The following TRIM61 variants were observed in gnomAD, a reference collection of about 807,000 sequenced individuals.
The protein encoded by TRIM61 is putative tripartite motif-containing protein 61.
In TRIM61, 1 loss-of-function variant was observed where a neutral mutation model predicts 14.2. The ratio of observed to expected loss-of-function variants is 0.07; its 90% CI spans 0.03 to 0.33. The LOEUF is 0.33. Among genes scored for constraint, TRIM61 ranks in the 10% least tolerant of loss-of-function variants. The probability of loss-of-function intolerance (pLI) is 0.99; values close to 1 mark genes in which losing one functional copy is unlikely to be tolerated. For synonymous variants in TRIM61, 8 were observed against 71.6 expected (o/e 0.11, Z 4.49); for missense variants, 19 against 202.2 (o/e 0.09, Z 5.49).
chr4:164,965,287 C>CG (rs1449764078), intron 3 of TRIM61, among the ~76,000 whole-genome samples: 82 of 151,708 alleles, frequency 5.4e-4, no homozygotes, highest in Non-Finnish European at 9.9e-4. Context: ...GCCTCCATCT[C>CG]AAAAAAAGAC....
chr4:164,968,821 C>T, intron 3 of TRIM61: 1 of 981,580 alleles, frequency 1.0e-6, no homozygotes, highest in East Asian at 1.1e-4. Flanking sequence ...TATAATTATT[C>T]TGACTAGATC....
intron 3 of TRIM61, among the ~76,000 whole-genome samples, chr4:164,962,389 T>TTGTGTGTGTGTG (rs147058101): frequency 2.9e-4 from 43 of 146,516 alleles, no homozygotes; most frequent in African/African-American, 1.0e-3. Context: ...CCTGGCTAAT[T>TTGTGTGTGTGTG]TGTGTGTGTG....
intron 3 of TRIM61, among the ~76,000 whole-genome samples, chr4:164,965,160 A>G (rs28548593): frequency 0.3 from 45,601 of 151,870 alleles, 7,036 homozygotes; most frequent in Admixed American, 0.39. Flanking sequence ...CGGTGACGCG[A>G]GTCTGTAATT....
intron 3 of TRIM61, among the ~76,000 whole-genome samples, chr4:164,964,383 A>C (rs541391028): frequency 6.6e-6 from 1 of 152,066 alleles, no homozygotes; most frequent in South Asian, 2.1e-4. Flanking sequence ...AGAGAAAAAA[A>C]GGAGATGGAG....
chr4:164,974,992 G>A (rs1732450638), intron 2 of TRIM61, among the ~76,000 whole-genome samples: 1 of 152,016 alleles, frequency 6.6e-6, no homozygotes, highest in South Asian at 2.1e-4. Context: ...CAGCACTTTG[G>A]GAGGCCAAGG....
chr4:164,955,760 A>C (rs908175601), intron 3 of TRIM61, among the ~76,000 whole-genome samples: 1 of 152,130 alleles, frequency 6.6e-6, no homozygotes, highest in Non-Finnish European at 1.5e-5. Context: ...TGGGATCCAC[A>C]CACAAGACAC....
At chr4:164,956,785 C>T (rs1731998749) in intron 3 of TRIM61, among the ~76,000 whole-genome samples, 1 of 152,150 alleles carries the variant, frequency 6.6e-6, no homozygotes, top group African/African-American at 2.4e-5. Flanking sequence ...GCAAAGCAAA[C>T]AGCTGAGGTT....
rs1732510795 is a variant in TRIM61 at position 164,977,620 on chromosome 4, A to G, written c.-565T>C. 6.6e-6 allele frequency: 1 copy of G among 151,982 alleles called. No homozygotes were observed. Among genetic ancestry groups the G allele is most frequent in the African/African-American group, 2.4e-5 (1 of 41,360 alleles). 9.4% of individuals were successfully genotyped at this position (151,982 alleles called of 1,614,324 possible). A position where few individuals can be genotyped will look rare whatever the true frequency, so the allele number is the denominator to read the frequency against. On this transcript the variant is annotated 5_prime_UTR_variant, in exon 1 of 5. Coordinates refer to ENST00000329314, the MANE Select transcript of TRIM61 (RefSeq NM_001012414.3). ...AAGGACTCATACCCCAACCCCACCA[A>G]GTGGGCTGCTTCCTGCCTGGGGCTC... is the stretch of plus-strand genomic sequence containing the variant.
At chr4:164,967,403 C>A (rs1732267463) in intron 3 of TRIM61, among the ~76,000 whole-genome samples, 1 of 152,060 alleles carries the variant, frequency 6.6e-6, no homozygotes, top group Admixed American at 6.5e-5. Context: ...GATGTTAATT[C>A]CTGAATTAAC....
At chr4:164,959,718 A>C (rs369168661) in intron 3 of TRIM61, among the ~76,000 whole-genome samples, 15 of 152,260 alleles carry the variant, frequency 9.9e-5, no homozygotes, top group African/African-American at 2.4e-4. Context: ...AATTAAAGAG[A>C]CATATCACTA....
At chr4:164,965,524 C>T (rs894067864) in intron 3 of TRIM61, among the ~76,000 whole-genome samples, 10 of 149,698 alleles carry the variant, frequency 6.7e-5, no homozygotes, top group African/African-American at 9.9e-5. Context: ...CCTTCTGCCT[C>T]CTGGGTTCAA....
In TRIM61 at chr4:164,968,926, C is replaced by A. The variant is rs1041828464; in HGVS notation, c.525+552G>T. ...TACAGACACCAAGAATCCATTCAGG[C>A]TTGTCTTTCACTTCTACTTCCCAGT... On this transcript the variant is annotated intron_variant, in intron 3 of 4. Coordinates refer to ENST00000329314, the MANE Select transcript of TRIM61 (RefSeq NM_001012414.3). The A allele has an allele frequency of 5.0e-6, 5 of 995,078 alleles. No individual in the cohort carries two copies. The African/African-American group carries it at 8.7e-5, about 17-fold the overall frequency. 61.6% of individuals were successfully genotyped at this position (995,078 alleles called of 1,614,324 possible).
intron 3 of TRIM61, chr4:164,957,778 A>G (rs1485319776): frequency 1.0e-5 from 3 of 300,322 alleles, no homozygotes; most frequent in Non-Finnish European, 1.3e-5. Context: ...TTCAGACCAT[A>G]TTTTCTTATT....
At chr4:164,963,721 G>T (rs1208401584) in intron 3 of TRIM61, among the ~76,000 whole-genome samples, 1 of 146,408 alleles carries the variant, frequency 6.8e-6, no homozygotes, top group Non-Finnish European at 1.5e-5. Flanking sequence ...TCCAGCCTGG[G>T]CAACAAGAGT....
At chr4:164,964,808 C>G (rs1732203438) in intron 3 of TRIM61, among the ~76,000 whole-genome samples, 1 of 152,198 alleles carries the variant, frequency 6.6e-6, no homozygotes, top group South Asian at 2.1e-4. Flanking sequence ...TTATCACTTA[C>G]AGAAATGATT....
rs572557321 is a variant in TRIM61 at position 164,961,961 on chromosome 4, A to C, written c.526-6865T>G. On this transcript the variant is annotated intron_variant, in intron 3 of 4. Transcript: ENST00000329314. Reference sequence around the variant, plus strand: ...ACCTGTAAGCTACATAGTACAGCTGAATGCTTCTAGGCTATAAACCTGTAC... The same window carrying C: ...ACCTGTAAGCTACATAGTACAGCTGCATGCTTCTAGGCTATAAACCTGTAC... Among the ~76,000 whole-genome samples, 73 of 152,306 alleles carry C rather than the reference A, an allele frequency of 4.8e-4. 2 individuals are homozygous for C. In the South Asian group the frequency reaches 0.015, roughly 32 times the overall value.
intron 3 of TRIM61, chr4:164,968,707 C>T (rs1254141149): frequency 2.0e-6 from 2 of 983,988 alleles, no homozygotes; most frequent in Non-Finnish European, 1.2e-6. Flanking sequence ...ATCTATCATT[C>T]AAATTATAAA....
chr4:164,967,918 G>A (rs1436958559), intron 3 of TRIM61, among the ~76,000 whole-genome samples: 7 of 151,956 alleles, frequency 4.6e-5, no homozygotes, highest in Admixed American at 2.0e-4. Flanking sequence ...TTGGGAGGCC[G>A]AGGCAGGTGA....
intron 3 of TRIM61, among the ~76,000 whole-genome samples, chr4:164,965,901 A>T (rs111613762): frequency 0.03 from 4,506 of 152,314 alleles, 93 homozygotes; most frequent in African/African-American, 0.04. Flanking sequence ...AAAGGTCTCA[A>T]AAACTTTATT....
Sources: gnomAD v4.1 joint callset for allele counts (sites outside exome capture counted in the v4.1 genomes callset) on GRCh38, gnomAD v4.1.1 for gene constraint, MANE v1.5 for transcripts, NCBI Gene and HGNC (gene_info 2026-07-23, HGNC 2026-07-21) for gene names.